The following IRAK1BP1 variants were observed in gnomAD, a reference collection of about 807,000 sequenced individuals.
IRAK1BP1 encodes interleukin 1 receptor associated kinase 1 binding protein 1.
Under a neutral mutation model 28.0 loss-of-function variants are expected in IRAK1BP1, and 24 were observed. That is an observed-to-expected ratio of 0.86 (90% CI 0.62 to 1.20). The LOEUF (loss-of-function observed/expected upper bound fraction) is 1.20, where lower values mean the gene tolerates loss of function less well. Ranked by LOEUF, IRAK1BP1 falls within the 50% of genes most tolerant of loss-of-function variation. The probability of loss-of-function intolerance (pLI) is 0.00; values close to 1 mark genes in which losing one functional copy is unlikely to be tolerated. For missense variants in IRAK1BP1, 336 were observed against 316.7 expected, an observed-to-expected ratio of 1.06 and a Z score of -0.46; for synonymous variants, 131 against 116.3, an observed-to-expected ratio of 1.13 and a Z score of -0.81.
chr6:78,914,018 TATG>T (rs1772493741), intron 4 of IRAK1BP1, among the ~76,000 whole-genome samples: 2 of 152,196 alleles, frequency 1.3e-5, no homozygotes. Flanking sequence ...TGTTCCAAAA[TATG>T]AGGTCATATG....
intron 2 of IRAK1BP1, among the ~76,000 whole-genome samples, chr6:78,895,170 A>G (rs1490284981): frequency 6.6e-6 from 1 of 152,176 alleles, no homozygotes; most frequent in Non-Finnish European, 1.5e-5. Flanking sequence ...GTGTAATTAA[A>G]TTAAAAACCA....
chr6:78,923,736 A>G (rs1465826913), intron 4 of IRAK1BP1, among the ~76,000 whole-genome samples: 1 of 152,218 alleles, frequency 6.6e-6, no homozygotes, highest in Non-Finnish European at 1.5e-5. Context: ...CCACAGTGCA[A>G]TCAAACTAGA....
At chr6:78,932,911 A>T (rs1019170106) in intron 4 of IRAK1BP1, among the ~76,000 whole-genome samples, 8 of 151,610 alleles carry the variant, frequency 5.3e-5, no homozygotes, top group Admixed American at 3.9e-4. Context: ...TTATTTTTTT[A>T]TTTTTTTTCT....
chr6:78,963,268 A>G, the IRAK1BP1 span: 1 of 1,588,998 alleles, frequency 6.3e-7, no homozygotes, highest in South Asian at 1.2e-5. Flanking sequence ...ATAGAAAAGC[A>G]GATCATTGCA....
At chr6:78,971,429 A>G in the IRAK1BP1 span, among the ~76,000 whole-genome samples, 1 of 152,210 alleles carries the variant, frequency 6.6e-6, no homozygotes, top group Non-Finnish European at 1.5e-5. Context: ...TAGTAGAAGA[A>G]CGTGTTTTAA....
At chr6:78,922,988 A>T (rs1308582458) in intron 4 of IRAK1BP1, among the ~76,000 whole-genome samples, 2 of 152,198 alleles carry the variant, frequency 1.3e-5, no homozygotes, top group Non-Finnish European at 2.9e-5. Flanking sequence ...TGTAAAGACC[A>T]TCGAGGCTAG....
chr6:78,897,830 T>A lies in IRAK1BP1; in HGVS notation c.383T>A (p.Val128Asp). The change falls in exon 3 of 4, where the codon GTC becomes GAC. Residue 128 changes from valine to aspartate, a missense_variant and splice_region_variant. Physicochemically the swap from Val to Asp is radical, Grantham distance 152. Transcript: ENST00000369940. ...AATATCGTGTCATTTCATTTACAGG[T>A]CTGCATTACATTTACTGAATTTGGA... is the stretch of plus-strand genomic sequence containing the variant. ...VENAYHMEAE[V>D]CITFTEFGKM... 1 of 1,611,474 alleles carries A rather than the reference T, an allele frequency of 6.2e-7. No homozygotes were observed. Among genetic ancestry groups the A allele is most frequent in the Non-Finnish European group, 8.5e-7 (1 of 1,178,520 alleles).
Position 78,879,918 on chromosome 6 carries a change from A to T in IRAK1BP1, c.316-5460A>T, listed in dbSNP as rs78147964. 5.6e-3 allele frequency among the ~76,000 whole-genome samples: 860 copies of T among 152,340 alleles called. 12 individuals are homozygous for T. The highest frequency in any genetic ancestry group is 0.02 in the African/African-American group (825 of 41,578). ...GTCATATGACATACAACCTTTAAGT[A>T]GAAGCAAAAAGTACATATTGAGTCT... On this transcript the variant is annotated intron_variant, in intron 1 of 3. Transcript: ENST00000369940.
chr6:78,893,314 GTATATATATATATATATATATATATATA>G (rs60728695), intron 2 of IRAK1BP1, among the ~76,000 whole-genome samples: 1 of 103,432 alleles, frequency 9.7e-6, no homozygotes. Context: ...GTGTGTGTGT[GTATATATATATATATATATATATATATA>G]TATATATCAA....
At chr6:78,895,429 A>G (rs1312473164) in intron 2 of IRAK1BP1, among the ~76,000 whole-genome samples, 1 of 152,210 alleles carries the variant, frequency 6.6e-6, no homozygotes, top group Non-Finnish European at 1.5e-5. Context: ...ACCAATATCC[A>G]TCATAAATGT....
chr6:78,978,519 C>T, the IRAK1BP1 span: 7 of 1,234,110 alleles, frequency 5.7e-6, no homozygotes, highest in Admixed American at 8.3e-5. Flanking sequence ...TTCCAGAAGT[C>T]TATTTCAAGA....
chr6:78,930,038 G>A (rs1773001666), intron 4 of IRAK1BP1, among the ~76,000 whole-genome samples: 1 of 152,132 alleles, frequency 6.6e-6, no homozygotes, highest in Non-Finnish European at 1.5e-5. Context: ...CTGGGCTCAA[G>A]CATTCCTCCT....
intron 4 of IRAK1BP1, among the ~76,000 whole-genome samples, chr6:78,944,888 TGTAACAG>T (rs1773716908): frequency 2.0e-5 from 3 of 152,292 alleles, no homozygotes; most frequent in East Asian, 3.9e-4. Flanking sequence ...GAACTTGAAG[TGTAACAG>T]TAAGGTGTCA....
At chr6:78,972,180 T>C in the IRAK1BP1 span, among the ~76,000 whole-genome samples, 1 of 152,176 alleles carries the variant, frequency 6.6e-6, no homozygotes, top group Non-Finnish European at 1.5e-5. Context: ...GCTGGAGATA[T>C]GAGAACGGGC....
chr6:78,959,005 C>G, the IRAK1BP1 span, among the ~76,000 whole-genome samples: 2 of 152,020 alleles, frequency 1.3e-5, no homozygotes, highest in African/African-American at 4.8e-5. Flanking sequence ...TAATTTTAAT[C>G]TAATTATCTT....
chr6:78,921,386 C>T (rs1479567189), intron 4 of IRAK1BP1, among the ~76,000 whole-genome samples: 1 of 152,324 alleles, frequency 6.6e-6, no homozygotes, highest in South Asian at 2.1e-4. Flanking sequence ...GAGGGGCGCC[C>T]ATCATTGCCA....
At chr6:78,913,760 C>T (rs1772485698) in intron 4 of IRAK1BP1, among the ~76,000 whole-genome samples, 2 of 152,134 alleles carry the variant, frequency 1.3e-5, no homozygotes, top group Admixed American at 1.3e-4. Context: ...ACTTTTTTCA[C>T]TCCAGGAGTA....
chr6:78,925,674 T>G (rs978453376), intron 4 of IRAK1BP1, among the ~76,000 whole-genome samples: 2 of 152,170 alleles, frequency 1.3e-5, no homozygotes, highest in Non-Finnish European at 2.9e-5. Context: ...TTCAACTCAG[T>G]AATCCCATCA....
intron 4 of IRAK1BP1, chr6:78,935,559 A>G: frequency 1.0e-6 from 1 of 967,618 alleles, no homozygotes; most frequent in African/African-American, 1.8e-5. Context: ...CACTCATCAC[A>G]GTAACTTACG....
Sources: allele counts gnomAD v4.1 joint callset (sites outside exome capture counted in the v4.1 genomes callset), GRCh38; gene constraint gnomAD v4.1.1; transcripts MANE v1.5; gene names NCBI Gene and HGNC (gene_info 2026-07-23, HGNC 2026-07-21).